CD96: variants seen among roughly 807,000 people sequenced by gnomAD.
CD96 encodes the protein T-cell surface protein tactile.
A neutral mutation model predicts 71.3 loss-of-function variants in CD96; 70 were observed. The ratio of observed to expected loss-of-function variants is 0.98; its 90% confidence interval spans 0.81 to 1.20. The LOEUF (loss-of-function observed/expected upper bound fraction) is 1.20, where lower values mean the gene tolerates loss of function less well. Among genes scored for constraint, CD96 ranks in the 50% most tolerant of loss-of-function variants. CD96 has a pLI of 0.00. For missense variants in CD96, 742 were observed against 677.5 expected, an observed-to-expected ratio of 1.10 and a Z score of -1.06; for synonymous variants, 248 against 233.0, an observed-to-expected ratio of 1.06 and a Z score of -0.59.
At chr3:111,544,344 C>T (rs776628005) in intron 1 of CD96, among the ~76,000 whole-genome samples, 45 of 152,082 alleles carry the variant, frequency 3.0e-4, no homozygotes, top group Non-Finnish European at 3.4e-4. Flanking sequence ...GGGGTTTTGC[C>T]GTGTTGGCCA....
At chr3:111,656,687 A>G (rs1297116911), downstream of CD96, among the ~76,000 whole-genome samples, 1 of 152,240 alleles carries the variant, frequency 6.6e-6, no homozygotes, top group African/African-American at 2.4e-5. Flanking sequence ...AAAACAAAAA[A>G]GAAGAAAATC....
intron 14 of CD96, among the ~76,000 whole-genome samples, chr3:111,658,173 G>A (rs1940277216): frequency 6.6e-6 from 1 of 152,142 alleles, no homozygotes; most frequent in African/African-American, 2.4e-5. Flanking sequence ...AAAACTGCTA[G>A]GGTATGTCAG....
rs750139349 is a variant in CD96 at position 111,649,787 on chromosome 3, A to T, written c.1691A>T (p.His564Leu). The change falls in exon 14 of 14, where the codon CAT becomes CTT. Residue 564 changes from histidine (H) to leucine (L), a missense_variant. His to Leu is a moderately conservative substitution (Grantham distance 99). Coordinates refer to ENST00000352690, the MANE Select transcript of CD96 (RefSeq NM_005816.5). Reference sequence around the variant, plus strand: ...CCCAACGAAAGTGATCTGCCTTATCATGAGATGGAGACCCTCTAGTCTCGT... The same window carrying T: ...CCCAACGAAAGTGATCTGCCTTATCTTGAGATGGAGACCCTCTAGTCTCGT... ...QEPNESDLPY[H>L]EMETL The T allele has an allele frequency of 6.2e-7, 1 of 1,606,838 alleles. No homozygotes were observed. The highest frequency in any genetic ancestry group is 8.5e-7 in the Non-Finnish European group (1 of 1,173,326).
chr3:111,594,297 T>C (rs1937152750), intron 5 of CD96: 1 of 1,439,114 alleles, frequency 6.9e-7, no homozygotes, highest in Non-Finnish European at 9.4e-7. Context: ...GAAGGGCCTG[T>C]GGTAACTCTT....
At chr3:111,556,201 A>G (rs1343919924) in intron 2 of CD96, among the ~76,000 whole-genome samples, 4 of 151,156 alleles carry the variant, frequency 2.6e-5, no homozygotes, top group Non-Finnish European at 5.9e-5. Context: ...GACTAATAAC[A>G]ACTTCTTTTT....
intron 5 of CD96, among the ~76,000 whole-genome samples, chr3:111,585,690 G>A (rs376592650): frequency 2.1e-4 from 32 of 152,196 alleles, no homozygotes; most frequent in African/African-American, 7.7e-4. Context: ...AAGTAGGGCA[G>A]AAAGCAGTGT....
At chr3:111,597,621 CAAGTA>C (rs1224155189) in intron 5 of CD96, among the ~76,000 whole-genome samples, 1 of 152,120 alleles carries the variant, frequency 6.6e-6, no homozygotes, top group African/African-American at 2.4e-5. Flanking sequence ...AAATGCTTCA[CAAGTA>C]AAAAGTAGGA....
At chr3:111,624,477 T>A (rs1405628609) in intron 10 of CD96, 73 bp downstream of exon 10, 1 of 849,968 alleles carries the variant, frequency 1.2e-6, no homozygotes, top group African/African-American at 1.7e-5. Context: ...TTGAACGACA[T>A]CTATGTGCTT....
intron 8 of CD96, among the ~76,000 whole-genome samples, chr3:111,608,311 C>G (rs1937729471): frequency 1.3e-5 from 2 of 152,282 alleles, no homozygotes; most frequent in South Asian, 4.1e-4. Context: ...ATGGCTTAGT[C>G]TCCAAAATTG....
At chr3:111,596,284 GA>G (rs1355424859) in intron 5 of CD96, among the ~76,000 whole-genome samples, 1 of 152,026 alleles carries the variant, frequency 6.6e-6, no homozygotes, top group African/African-American at 2.4e-5. Context: ...AAAGATGGGG[GA>G]AAAAGATTCA....
At chr3:111,643,091 C>T (rs1939669381) in intron 12 of CD96, among the ~76,000 whole-genome samples, 1 of 130,954 alleles carries the variant, frequency 7.6e-6, no homozygotes, top group African/African-American at 2.8e-5. Flanking sequence ...AAAAAAAAAA[C>T]TAGCTAACCA....
chr3:111,560,222 G>C (rs1036486281), intron 2 of CD96, among the ~76,000 whole-genome samples: 9 of 151,902 alleles, frequency 5.9e-5, no homozygotes, highest in African/African-American at 1.9e-4. Flanking sequence ...AAAGTTAATA[G>C]TGTTATGTGT....
chr3:111,630,416 G>C (rs1559767231), intron 10 of CD96, among the ~76,000 whole-genome samples: 1 of 152,120 alleles, frequency 6.6e-6, no homozygotes. Flanking sequence ...AGAAGAAATA[G>C]ATAAGTTCCT....
rs1451871546 is a variant in CD96, at chr3:111,545,274, A to G, written c.290A>G (p.Asn97Ser). ...SLVTFTETPE[N>S]GSKWTLHLRN... ...GTGACTTTCACAGAAACTCCTGAGAATGGGTCAAAATGGACTCTGCACTTA... is the reference window on the plus strand; with the variant it reads ...GTGACTTTCACAGAAACTCCTGAGAGTGGGTCAAAATGGACTCTGCACTTA... The change falls in exon 2 of 14, where the codon AAT (asparagine) becomes AGT (serine). Residue 97 changes from asparagine to serine, a missense_variant. Physicochemically the swap from Asn to Ser is conservative, Grantham distance 46 (BLOSUM62 1). Coordinates refer to ENST00000352690, the MANE Select transcript of CD96 (RefSeq NM_005816.5). 1 of 1,614,096 alleles carries G rather than the reference A, an allele frequency of 6.2e-7. No homozygotes were observed. Among genetic ancestry groups the G allele is most frequent in the Non-Finnish European group, 8.5e-7 (1 of 1,179,942 alleles).
At position 111,542,270 on chromosome 3, in the gene CD96, T is replaced by G; in HGVS notation, c.22T>G (p.Cys8Gly). The change falls in exon 1 of 14, where the codon TGT becomes GGT. Residue 8 changes from cysteine to glycine, a missense_variant. Physicochemically the swap from Cys to Gly is radical, Grantham distance 159. Coordinates refer to ENST00000352690, the MANE Select transcript of CD96 (RefSeq NM_005816.5). ...GACAATGGAGAAAAAATGGAAATAC[T>G]GTGCTGTCTATTACATCATCCAGAT... MEKKWKY[C>G]AVYYIIQIHF... 1.9e-6 allele frequency: 3 copies of G among 1,613,866 alleles called. No homozygotes were observed. The highest frequency in any genetic ancestry group is 2.5e-6 in the Non-Finnish European group (3 of 1,179,708).
intron 2 of CD96, among the ~76,000 whole-genome samples, chr3:111,548,452 G>C (rs1559710078): frequency 6.6e-6 from 1 of 152,136 alleles, no homozygotes; most frequent in African/African-American, 2.4e-5. Flanking sequence ...TCACTTGACA[G>C]AGTTTCCTCC....
At chr3:111,590,367 C>A (rs1373416098) in intron 5 of CD96, among the ~76,000 whole-genome samples, 2 of 152,296 alleles carry the variant, frequency 1.3e-5, no homozygotes, top group African/African-American at 2.4e-5. Flanking sequence ...CTTAGAAATT[C>A]TTGAAGTCAA....
intron 14 of CD96, among the ~76,000 whole-genome samples, chr3:111,658,978 C>T (rs1940294200): frequency 6.6e-6 from 1 of 152,160 alleles, no homozygotes; most frequent in Admixed American, 6.5e-5. Context: ...GTTCTTTGTA[C>T]ATCTGGTAGA....
chr3:111,634,020 A>G (rs147184790), intron 10 of CD96: 2 of 152,878 alleles, frequency 1.3e-5, no homozygotes, highest in African/African-American at 4.8e-5. Flanking sequence ...AGAACCCTGC[A>G]AAAATAACAA....
Sources: gnomAD v4.1 joint callset for allele counts (sites outside exome capture counted in the v4.1 genomes callset) on GRCh38, gnomAD v4.1.1 for gene constraint, MANE v1.5 for transcripts, NCBI Gene and HGNC (gene_info 2026-07-23, HGNC 2026-07-21) for gene names.